The following GAB3 variants were observed in gnomAD, a reference collection of about 807,000 sequenced individuals.
GAB3 encodes the protein GRB2-associated-binding protein 3.
Under a neutral mutation model 40.4 loss-of-function variants are expected in GAB3, and 12 were observed. The observed-to-expected ratio is 0.30, with a 90% CI of 0.19 to 0.48. The LOEUF (loss-of-function observed/expected upper bound fraction) is 0.48. Among genes scored for constraint, GAB3 ranks in the 20% least tolerant of loss-of-function variants. The pLI, the probability that GAB3 is intolerant of heterozygous loss-of-function variation, is 0.99. For synonymous variants in GAB3, 154 were observed against 176.7 expected (o/e 0.87, Z 1.02); for missense variants, 381 against 461.9 (o/e 0.82, Z 1.61).
rs1557251522 is a variant in GAB3, at chrX:154,699,362, G to A, written c.1277C>T (p.Pro426Leu). 3 of 1,211,002 alleles carry A rather than the reference G, an allele frequency of 2.5e-6. No homozygotes were observed. The highest frequency in any genetic ancestry group is 3.4e-6 in the Non-Finnish European group (3 of 894,783). ...CAGGTTTGCAGGCAGCTCAGGCAAC[G>A]GGCTTGAGATGCTTCCTGAGTTCAT... ...IPMNSGSISS[P>L]LPELPANLEP... The change falls in exon 6 of 10, where the codon CCG becomes CTG. Residue 426 changes from proline (P) to leucine (L), a missense_variant. By Grantham distance (98) the Pro-to-Leu change is moderately conservative. This residue lies in a region of GAB3 where 364 missense variants were observed against 421.0 expected (regional missense o/e 0.86). Coordinates refer to ENST00000424127, the MANE Select transcript of GAB3 (RefSeq NM_001081573.3).
At chrX:154,710,861 C>T (rs1557255728) in intron 4 of GAB3, among the ~76,000 whole-genome samples, 1 of 112,289 alleles carries the variant, frequency 8.9e-6, no homozygotes, top group Non-Finnish European at 1.9e-5. Context: ...TTTTGTTCTT[C>T]AATTTAAGAC....
chrX:154,710,499 A>G (rs1233385763), intron 4 of GAB3, among the ~76,000 whole-genome samples: 1 of 111,747 alleles, frequency 8.9e-6, no homozygotes, highest in Non-Finnish European at 1.9e-5. Flanking sequence ...CCTCACATAC[A>G]TGGGCACTTC....
At chrX:154,690,684 C>A (rs1461082582) in intron 8 of GAB3, among the ~76,000 whole-genome samples, 1 of 111,852 alleles carries the variant, frequency 8.9e-6, no homozygotes, top group East Asian at 2.8e-4. Context: ...CCATCACTGG[C>A]CATCAGAGAA....
Position 154,695,922 on chromosome X carries a change from C to G in GAB3, c.1525G>C (p.Glu509Gln), listed in dbSNP as rs150550316. 4.6e-5 allele frequency: 52 copies of G among 1,140,780 alleles called. No individual in the cohort carries two copies. The East Asian group carries it at 1.5e-3, about 32-fold the overall frequency. The allele number at this position is 1,140,780 out of a possible 1,213,427, so 94.0% of individuals were successfully genotyped here. ...TGTGAAAAATATAAGATTACCATTT[C>G]GATGTAGCTTTCTTCGTCTTCTCTG... ...VSREDEESYI[E>Q]MEEHRTASSL... The change falls in exon 8 of 10, where the codon GAA becomes CAA. Residue 509 changes from glutamate (E) to glutamine (Q), a missense_variant. Coordinates refer to ENST00000424127, the MANE Select transcript of GAB3 (RefSeq NM_001081573.3).
intron 3 of GAB3, 101 bp downstream of exon 3, chrX:154,713,106 C>G (rs1006239380): frequency 3.0e-4 from 200 of 677,303 alleles, no homozygotes; most frequent in Non-Finnish European, 4.3e-4. Context: ...TGGTGAAGCA[C>G]ACTGAACACA....
intron 4 of GAB3, among the ~76,000 whole-genome samples, chrX:154,701,251 T>G (rs1482905131): frequency 8.9e-6 from 1 of 112,277 alleles, no homozygotes; most frequent in African/African-American, 3.2e-5. Context: ...TACTTAATAA[T>G]TCTTAGAAAC....
intron 6 of GAB3, 50 bp from the exon 7 acceptor site, chrX:154,697,263 C>A: frequency 1.1e-6 from 1 of 869,976 alleles, no homozygotes; most frequent in East Asian, 3.5e-5. Context: ...AGTCTAAAGA[C>A]TGTAAAACTA....
At position 154,677,955 on chromosome X, in the gene GAB3, C is replaced by T; in HGVS notation, c.*223G>A. 3.1e-6 allele frequency: 1 copy of T among 321,539 alleles called. No individual in the cohort carries two copies. The highest frequency in any genetic ancestry group is 5.3e-6 in the Non-Finnish European group (1 of 187,172). The allele number at this position is 321,539 out of a possible 1,213,427, so 26.5% of individuals were successfully genotyped here. On this transcript the variant is annotated 3_prime_UTR_variant, in exon 10 of 10. Transcript: ENST00000424127. ...GGGGAGGCTAGATTCTCTCAGAGCC[C>T]CCTCCGGAAGGCAACTGCTTCCTTC...
At chrX:154,742,288 T>C (rs989182500) in intron 1 of GAB3, among the ~76,000 whole-genome samples, 5 of 111,806 alleles carry the variant, frequency 4.5e-5, no homozygotes, top group African/African-American at 1.6e-4. Flanking sequence ...TAAATGTCTA[T>C]GCAGTTGATC....
At chrX:154,743,986 C>T (rs1207691920) in intron 1 of GAB3, among the ~76,000 whole-genome samples, 2 of 110,684 alleles carry the variant, frequency 1.8e-5, no homozygotes, top group African/African-American at 6.6e-5. Flanking sequence ...GAGGCCAAGA[C>T]AGGCGGATCA....
Position 154,698,948 on chromosome X carries a change from T to C in GAB3, c.1345+346A>G, listed in dbSNP as rs782544991. 1.9e-4 allele frequency among the ~76,000 whole-genome samples: 21 copies of C among 112,150 alleles called. No individual in the cohort carries two copies. The Admixed American group carries it at 1.9e-3, about 10-fold the overall frequency. ...ATGATTACATTCAAGTGCTGTCTAATGAGGAGATGCCAGGTGGGATTCCAT... is the reference window on the plus strand; with the variant it reads ...ATGATTACATTCAAGTGCTGTCTAACGAGGAGATGCCAGGTGGGATTCCAT... On this transcript the variant is annotated intron_variant, in intron 6 of 9. Transcript: ENST00000424127.
At chrX:154,724,383 T>A (rs373082249) in intron 1 of GAB3, among the ~76,000 whole-genome samples, 59 of 107,754 alleles carry the variant, frequency 5.5e-4, no homozygotes, top group Admixed American at 9.9e-4. Context: ...AATAAATAAA[T>A]AAAAATAAAA....
rs782701561 is a variant in GAB3, at chrX:154,698,834, C to T, written c.1345+460G>A. Among the ~76,000 whole-genome samples, 8 of 111,945 alleles carry T rather than the reference C, an allele frequency of 7.1e-5. No individual in the cohort carries two copies. In the South Asian group the frequency reaches 1.1e-3, roughly 16 times the overall value. Reference sequence around the variant, plus strand: ...CCTCTGCTGACGGGCATGCACAGAACGATGAGTGATAAACTGCATGTGACT... The same window carrying T: ...CCTCTGCTGACGGGCATGCACAGAATGATGAGTGATAAACTGCATGTGACT... On this transcript the variant is annotated intron_variant, in intron 6 of 9. Transcript: ENST00000424127.
At chrX:154,696,912 G>A (rs1391331566) in intron 7 of GAB3, among the ~76,000 whole-genome samples, 1 of 112,631 alleles carries the variant, frequency 8.9e-6, no homozygotes, top group East Asian at 2.8e-4. Context: ...AGATTCCTTG[G>A]GTTCCCAACA....
At chrX:154,699,883 G>A in intron 5 of GAB3, 121 bp downstream of exon 5, 1 of 598,959 alleles carries the variant, frequency 1.7e-6, no homozygotes, top group Non-Finnish European at 2.7e-6. Flanking sequence ...GTCTTCAGGG[G>A]AGACTGGAAG....
chrX:154,729,800 C>T (rs1557259799), intron 1 of GAB3, among the ~76,000 whole-genome samples: 2 of 112,018 alleles, frequency 1.8e-5, no homozygotes, highest in African/African-American at 6.5e-5. Context: ...GAAAAAGAAA[C>T]TGGTACTCAG....
intron 1 of GAB3, among the ~76,000 whole-genome samples, chrX:154,748,519 A>G (rs1377342405): frequency 8.9e-6 from 1 of 112,375 alleles, no homozygotes; most frequent in Non-Finnish European, 1.9e-5. Flanking sequence ...ATCTTTTAAA[A>G]GACCAGTGAT....
At chrX:154,727,248 G>C (rs185360698) in intron 1 of GAB3, among the ~76,000 whole-genome samples, 3 of 112,279 alleles carry the variant, frequency 2.7e-5, no homozygotes, top group Non-Finnish European at 5.6e-5. Flanking sequence ...TCTCCATCTT[G>C]GGGGCTTTGC....
chrX:154,703,459 A>T (rs6643692), intron 4 of GAB3, among the ~76,000 whole-genome samples: 1 of 109,652 alleles, frequency 9.1e-6, no homozygotes, highest in Admixed American at 9.7e-5. Flanking sequence ...TGATGAGAAC[A>T]CATGGACACA....
Sources: gnomAD v4.1 joint callset for allele counts (sites outside exome capture counted in the v4.1 genomes callset) on GRCh38, gnomAD v4.1.1 for gene constraint, gnomAD v4.1.1 regional missense constraint, MANE v1.5 for transcripts, NCBI Gene and HGNC (gene_info 2026-07-23, HGNC 2026-07-21) for gene names.